The following MFAP3L variants were observed in gnomAD, a reference collection of about 807,000 sequenced individuals.
MFAP3L encodes microfibril associated protein 3 like, also known as microfibrillar-associated protein 3-like.
In MFAP3L, 5 loss-of-function variants were observed where a neutral mutation model predicts 20.0. The ratio of observed to expected loss-of-function variants is 0.25; its 90% confidence interval spans 0.13 to 0.53. MFAP3L has a LOEUF of 0.53. MFAP3L is among the 20% of genes least tolerant of loss of function. The pLI is 0.96. For missense variants in MFAP3L, 409 were observed against 527.5 expected (o/e 0.78, Z 2.20); for synonymous variants, 219 against 213.0 (o/e 1.03, Z -0.25).
intron 2 of MFAP3L, chr4:169,994,348 G>C (rs1279094333): frequency 1.0e-6 from 1 of 985,250 alleles, no homozygotes; most frequent in African/African-American, 1.7e-5. Context: ...TAAGGATAAA[G>C]TAGTCTGAAC....
intron 1 of MFAP3L, among the ~76,000 whole-genome samples, chr4:170,012,792 T>C (rs1281696625): frequency 6.6e-6 from 1 of 152,198 alleles, no homozygotes; most frequent in Non-Finnish European, 1.5e-5. Context: ...TTAGGATAAT[T>C]TCCAGCTACT....
At chr4:170,003,603 A>C (rs898666613) in intron 2 of MFAP3L, 7 of 813,886 alleles carry the variant, frequency 8.6e-6, no homozygotes, top group Non-Finnish European at 1.0e-5. Context: ...CTATTCCCAC[A>C]GTTCTCTTCC....
At position 169,987,298 on chromosome 4, in the gene MFAP3L, T is replaced by C. The variant is rs1342372999; in HGVS notation, c.*4080A>G. On this transcript the variant is annotated 3_prime_UTR_variant, in exon 3 of 3. Coordinates refer to ENST00000361618, the MANE Select transcript of MFAP3L (RefSeq NM_021647.8). ...ATGCTCAAAATATGTGAAAATACAA[T>C]GAGATTTGGTAGATATTTTAAGAGT... 6.6e-6 allele frequency: 1 copy of C among 152,170 alleles called. No individual in the cohort carries two copies. The highest frequency in any genetic ancestry group is 2.4e-5 in the African/African-American group (1 of 41,454). The allele number at this position is 152,170 out of a possible 1,614,324, so 9.4% of individuals were successfully genotyped here.
At position 170,005,647 on chromosome 4, in the gene MFAP3L, C is replaced by G. The variant is rs1396303491; in HGVS notation, c.231G>C (p.Gln77His). 6.2e-7 allele frequency: 1 copy of G among 1,614,224 alleles called. No homozygotes were observed. The highest frequency in any genetic ancestry group is 1.1e-5 in the South Asian group (1 of 91,088). ...TGCCAATGGAATTATACCACTTGAA[C>G]TGTGGGTCAGGGATGCCATAAACAC... The part of the protein sequence containing the change: ...NCSVYGIPDP[Q>H]FKWYNSIGKL... The change falls in exon 2 of 3, where the codon CAG (glutamine) becomes CAC (histidine). Residue 77 changes from glutamine to histidine, a missense_variant. Coordinates refer to ENST00000361618, the MANE Select transcript of MFAP3L (RefSeq NM_021647.8).
chr4:170,003,545 G>T, intron 2 of MFAP3L: 1 of 350,902 alleles, frequency 2.8e-6, no homozygotes, highest in Non-Finnish European at 4.0e-6. Flanking sequence ...CTACACTTTG[G>T]GATAATCCTC....
At chr4:169,997,092 G>A (rs1246357597) in intron 2 of MFAP3L, among the ~76,000 whole-genome samples, 1 of 152,198 alleles carries the variant, frequency 6.6e-6, no homozygotes, top group East Asian at 1.9e-4. Flanking sequence ...ATTGTGGGGG[G>A]AGGGGCAGGG....
intron 1 of MFAP3L, among the ~76,000 whole-genome samples, chr4:170,019,114 T>C (rs1253431466): frequency 6.6e-6 from 1 of 152,232 alleles, no homozygotes; most frequent in Non-Finnish European, 1.5e-5. Context: ...TTTGAATCTT[T>C]AAGCACAGTC....
intron 2 of MFAP3L, among the ~76,000 whole-genome samples, chr4:170,004,735 A>T (rs1397689313): frequency 1.3e-5 from 2 of 152,220 alleles, no homozygotes; most frequent in Non-Finnish European, 2.9e-5. Context: ...AGAATTGTGG[A>T]ACAGGAGGGC....
chr4:170,024,265 A>C (rs1349912028), intron 1 of MFAP3L, among the ~76,000 whole-genome samples: 1 of 152,212 alleles, frequency 6.6e-6, no homozygotes, highest in Non-Finnish European at 1.5e-5. Context: ...GTGTCTCTTA[A>C]CACTGAGAAA....
At chr4:170,023,811 T>G (rs2111085630) in intron 1 of MFAP3L, among the ~76,000 whole-genome samples, 1 of 152,346 alleles carries the variant, frequency 6.6e-6, no homozygotes, top group Non-Finnish European at 1.5e-5. Flanking sequence ...CTAAAAGTTC[T>G]TGCATTAAAA....
At chr4:170,007,193 A>G (rs928142936) in intron 1 of MFAP3L, among the ~76,000 whole-genome samples, 2 of 152,184 alleles carry the variant, frequency 1.3e-5, no homozygotes, top group African/African-American at 4.8e-5. Flanking sequence ...ATAGATTTCC[A>G]TAAACCCCAC....
Position 169,991,693 on chromosome 4 carries a change from G to C in MFAP3L, c.915C>G (p.Ala305=). Residue 305 remains alanine, a synonymous_variant, in exon 3 of 3, where the codon GCC becomes GCG. Transcript: ENST00000361618. The surrounding 1 kb of genome is among the most constrained non-coding windows in gnomAD (Gnocchi z 4.9). ...RSDSPAADSD[A]SSLHEQPQQI... is the part of the protein sequence containing the mutation. ...GCTGAGGTTGCTCGTGCAGCGATGA[G>C]GCGTCCGAGTCAGCGGCAGGGGAGT... 3 of 1,614,178 alleles carry C rather than the reference G, an allele frequency of 1.9e-6. No homozygotes were observed. Among genetic ancestry groups the C allele is most frequent in the Non-Finnish European group, 2.5e-6 (3 of 1,180,040 alleles).
intron 1 of MFAP3L, among the ~76,000 whole-genome samples, chr4:170,012,897 T>C (rs1018108080): frequency 1.3e-5 from 2 of 152,134 alleles, no homozygotes; most frequent in African/African-American, 4.8e-5. Flanking sequence ...CTGAGAGGGG[T>C]ACCACATTAT....
rs374130379 is a variant in MFAP3L, at chr4:170,014,624, A to G, written c.-133-8614T>C. On this transcript the variant is annotated intron_variant, in intron 1 of 2. Coordinates refer to ENST00000361618, the MANE Select transcript of MFAP3L (RefSeq NM_021647.8). ...CACATTGTCTATAAATCAGAGGGCA[A>G]TCTTCTTAATATGCTTTCCTAATAT... is the stretch of plus-strand genomic sequence containing the variant. 1.1e-4 allele frequency among the ~76,000 whole-genome samples: 17 copies of G among 152,310 alleles called. No homozygotes were observed. The East Asian group carries it at 2.9e-3, about 26-fold the overall frequency.
chr4:170,016,333 T>A (rs1252683076), intron 1 of MFAP3L, among the ~76,000 whole-genome samples: 2 of 152,164 alleles, frequency 1.3e-5, no homozygotes, highest in Non-Finnish European at 2.9e-5. Context: ...CCCATCAGCC[T>A]CCCTGGGCTC....
intron 2 of MFAP3L, among the ~76,000 whole-genome samples, chr4:169,995,328 C>A (rs925325981): frequency 6.6e-6 from 1 of 152,198 alleles, no homozygotes; most frequent in Admixed American, 6.5e-5. Flanking sequence ...TTCCCCCACC[C>A]CCTTTTTTGT....
At chr4:169,997,981 T>G (rs932462292) in intron 2 of MFAP3L, among the ~76,000 whole-genome samples, 4 of 152,062 alleles carry the variant, frequency 2.6e-5, no homozygotes, top group Non-Finnish European at 5.9e-5. Flanking sequence ...CAAGCCTAGG[T>G]TGACTGGAAA....
At chr4:170,002,561 G>T (rs903781649) in intron 2 of MFAP3L, among the ~76,000 whole-genome samples, 1 of 151,880 alleles carries the variant, frequency 6.6e-6, no homozygotes, top group African/African-American at 2.4e-5. Context: ...CCAGGCTCGA[G>T]TGCAGTGGCG....
intron 2 of MFAP3L, among the ~76,000 whole-genome samples, chr4:169,996,038 C>T (rs556371398): frequency 8.4e-6 from 1 of 118,628 alleles, no homozygotes; most frequent in East Asian, 3.0e-4. Flanking sequence ...AAATACCCTT[C>T]CTCCATCCCC....
Sources: gnomAD v4.1 joint callset for allele counts (sites outside exome capture counted in the v4.1 genomes callset) on GRCh38, gnomAD v4.1.1 for gene constraint, Gnocchi (gnomAD v3.1) non-coding constraint, MANE v1.5 for transcripts, NCBI Gene and HGNC (gene_info 2026-07-23, HGNC 2026-07-21) for gene names.